ZMYM4: variants seen among roughly 807,000 people sequenced by gnomAD.
The protein encoded by ZMYM4 is zinc finger MYM-type containing 4, also known as zinc finger MYM-type protein 4.
A neutral mutation model predicts 183.2 loss-of-function variants in ZMYM4; 31 were observed. The observed-to-expected ratio is 0.17, with a 90% confidence interval of 0.13 to 0.23. ZMYM4 has a LOEUF of 0.23. Ranked by LOEUF, ZMYM4 falls within the 10% of genes least tolerant of loss-of-function variation. The probability of loss-of-function intolerance (pLI) is 1.00; values close to 1 mark genes in which losing one functional copy is unlikely to be tolerated. For synonymous variants in ZMYM4, 592 were observed against 631.2 expected, an observed-to-expected ratio of 0.94 and a Z score of 0.93; for missense variants, 1,273 against 1,840.3, an observed-to-expected ratio of 0.69 and a Z score of 5.64.
At position 35,385,302 on chromosome 1, in the gene ZMYM4, TC is replaced by T. The variant is rs1256106793; in HGVS notation, c.1570-138del. 16 of 897,350 alleles carry T rather than the reference TC, an allele frequency of 1.8e-5. No individual in the cohort carries two copies. In the Admixed American group the frequency reaches 3.5e-4, roughly 20 times the overall value. The allele number at this position is 897,350 out of a possible 1,614,324, so 55.6% of individuals were successfully genotyped here. ...AGAAGTACATGTGTACCATGAAACT[TC>T]CTATTGAGGATTACAATCATAAAAG... On this transcript the variant is annotated intron_variant, in intron 9 of 29. Transcript: ENST00000314607.
In ZMYM4 at chr1:35,397,530, ACT is replaced by A. The variant is rs1558166904; in HGVS notation, c.3187_3188del (p.Leu1063IlefsTer9). 6.2e-7 allele frequency: 1 copy of A among 1,610,730 alleles called. No individual in the cohort carries two copies. On this transcript the variant is annotated frameshift_variant, in exon 20 of 30. Coordinates refer to ENST00000314607, the MANE Select transcript of ZMYM4 (RefSeq NM_005095.3). LOFTEE classifies it high-confidence loss of function. ...GATTGCAGAAGATGAAGAGAAGAAG[ACT>A]CTATCTCAGGGAGGTTGGTATACTC... ...EMIAEDEEKK[T>X]LSQGESQTSE...
chr1:35,383,120 A>G (rs752843483), intron 9 of ZMYM4, among the ~76,000 whole-genome samples: 6 of 152,232 alleles, frequency 3.9e-5, no homozygotes, highest in Non-Finnish European at 4.4e-5. Flanking sequence ...GATGAACTCT[A>G]TAACAAATGT....
chr1:35,399,141 A>C, intron 22 of ZMYM4, 98 bp downstream of exon 22: 2 of 1,233,018 alleles, frequency 1.6e-6, no homozygotes, highest in Non-Finnish European at 2.3e-6. Context: ...TGTTATTGAT[A>C]ATAACAGTGT....
chr1:35,384,778 C>T (rs1469891064), intron 9 of ZMYM4, among the ~76,000 whole-genome samples: 1 of 151,312 alleles, frequency 6.6e-6, no homozygotes, highest in African/African-American at 2.4e-5. Context: ...GTGGTTATGA[C>T]CTATTAATAG....
chr1:35,412,444 C>T (rs1375224150), intron 26 of ZMYM4, among the ~76,000 whole-genome samples: 1 of 152,032 alleles, frequency 6.6e-6, no homozygotes, highest in African/African-American at 2.4e-5. Context: ...ACAGTGTTGA[C>T]GAAGAATGGC....
chr1:35,343,515 G>A (rs565662909), intron 2 of ZMYM4, among the ~76,000 whole-genome samples: 9 of 152,000 alleles, frequency 5.9e-5, no homozygotes, highest in South Asian at 2.1e-4. Context: ...CCACAAATCC[G>A]TATGTTTATC....
rs1318134185 is a variant in ZMYM4 at position 35,389,862 on chromosome 1, C to T, written c.2437-86C>T. On this transcript the variant is annotated intron_variant, in intron 14 of 29. Coordinates refer to ENST00000314607, the MANE Select transcript of ZMYM4 (RefSeq NM_005095.3). The surrounding 1 kb of genome is among the most constrained non-coding windows in gnomAD (Gnocchi z 4.0). ...TTTGATCTAAATTCTAAGTTAATTT[C>T]GTCACTTGTTATGTGTGTCTTATTT... The T allele has an allele frequency of 4.8e-5, 66 of 1,376,272 alleles. No homozygotes were observed. The highest frequency in any genetic ancestry group is 6.0e-5 in the Non-Finnish European group (61 of 1,020,222). 85.3% of individuals were successfully genotyped at this position (1,376,272 alleles called of 1,614,324 possible).
intron 2 of ZMYM4, among the ~76,000 whole-genome samples, chr1:35,330,575 T>C (rs1282494526): frequency 1.3e-5 from 2 of 152,206 alleles, no homozygotes; most frequent in East Asian, 3.8e-4. Context: ...AAGCTGGGAA[T>C]AGTAATCCTT....
At chr1:35,385,725 C>A in intron 10 of ZMYM4, 133 bp downstream of exon 10, 2 of 1,057,040 alleles carry the variant, frequency 1.9e-6, no homozygotes, top group Non-Finnish European at 2.6e-6. Context: ...TAAAATATCA[C>A]CTGTTACCTT....
At chr1:35,412,367 C>T (rs1159412039) in intron 26 of ZMYM4, among the ~76,000 whole-genome samples, 2 of 152,108 alleles carry the variant, frequency 1.3e-5, no homozygotes, top group Non-Finnish European at 1.5e-5. Flanking sequence ...AATTTTACTT[C>T]TTCCTTTCCT....
At chr1:35,419,445 C>CTTT in intron 29 of ZMYM4, 25 bp from the exon 30 acceptor site, 1 of 1,180,528 alleles carries the variant, frequency 8.5e-7, no homozygotes, top group East Asian at 3.1e-5. Flanking sequence ...TCTTTTTTCT[C>CTTT]TTTTTTTTTT....
At chr1:35,354,360 T>G (rs572266116) in intron 2 of ZMYM4, among the ~76,000 whole-genome samples, 1 of 152,178 alleles carries the variant, frequency 6.6e-6, no homozygotes, top group Non-Finnish European at 1.5e-5. Flanking sequence ...CTGTTTTCAG[T>G]CTTTTTCTGC....
intron 7 of ZMYM4, among the ~76,000 whole-genome samples, chr1:35,380,813 A>C (rs1038799510): frequency 4.6e-5 from 7 of 152,172 alleles, no homozygotes; most frequent in African/African-American, 1.4e-4. Context: ...ATTTTATATA[A>C]CTGTGCTAGA....
chr1:35,287,893 C>G (rs1280842050), intron 1 of ZMYM4, among the ~76,000 whole-genome samples: 1 of 152,132 alleles, frequency 6.6e-6, no homozygotes, highest in Non-Finnish European at 1.5e-5. Context: ...CGTGAGCCCC[C>G]ACTCCCGGCC....
chr1:35,413,712 G>C (rs1392597114), intron 26 of ZMYM4, among the ~76,000 whole-genome samples: 1 of 152,196 alleles, frequency 6.6e-6, no homozygotes, highest in Non-Finnish European at 1.5e-5. Flanking sequence ...TACTTCTTCT[G>C]TACCATCCGT....
At chr1:35,371,351 C>T (rs1407375133) in intron 7 of ZMYM4, among the ~76,000 whole-genome samples, 1 of 152,018 alleles carries the variant, frequency 6.6e-6, no homozygotes, top group South Asian at 2.1e-4. Flanking sequence ...CTCCTGACCT[C>T]GTGATCTGCC....
chr1:35,300,492 A>G (rs967658113), intron 1 of ZMYM4, among the ~76,000 whole-genome samples: 1 of 152,052 alleles, frequency 6.6e-6, no homozygotes, highest in Admixed American at 6.6e-5. Context: ...TGGCCATTAT[A>G]TTTTCAAAAT....
intron 5 of ZMYM4, among the ~76,000 whole-genome samples, chr1:35,368,493 G>T (rs973097330): frequency 1.3e-5 from 2 of 152,050 alleles, no homozygotes; most frequent in Non-Finnish European, 2.9e-5. Context: ...CCATTATAAT[G>T]TACTTTTTGT....
intron 29 of ZMYM4, among the ~76,000 whole-genome samples, chr1:35,419,142 T>G (rs142822286): frequency 5.6e-4 from 86 of 152,302 alleles, no homozygotes; most frequent in African/African-American, 2.0e-3. Context: ...TTAATAATGT[T>G]TGAAGTACTA....
Sources: gnomAD v4.1 joint callset for allele counts (sites outside exome capture counted in the v4.1 genomes callset) on GRCh38, gnomAD v4.1.1 for gene constraint, Gnocchi (gnomAD v3.1) non-coding constraint, MANE v1.5 for transcripts, NCBI Gene and HGNC (gene_info 2026-07-23, HGNC 2026-07-21) for gene names.